HEMK2: variants seen among roughly 807,000 people sequenced by gnomAD.
The protein encoded by HEMK2 is HemK methyltransferase 2, ETF1 glutamine and histone H4 lysine, also known as methyltransferase HEMK2.
chr21:28,738,046 C>T, the HEMK2 span, among the ~76,000 whole-genome samples: 1 of 152,170 alleles, frequency 6.6e-6, no homozygotes, highest in Non-Finnish European at 1.5e-5. Flanking sequence ...TAGCTTCTTC[C>T]AACAACAGTT....
At chr21:28,864,481 A>G in the HEMK2 span, among the ~76,000 whole-genome samples, 2 of 152,288 alleles carry the variant, frequency 1.3e-5, no homozygotes, top group South Asian at 4.1e-4. Context: ...TGTCCCATGA[A>G]GACTGTCCTT....
the HEMK2 span, among the ~76,000 whole-genome samples, chr21:28,715,747 T>G: frequency 6.6e-6 from 1 of 152,206 alleles, no homozygotes; most frequent in Admixed American, 6.6e-5. Flanking sequence ...TTTCCTTGAT[T>G]TTCTTCTACC....
the HEMK2 span, among the ~76,000 whole-genome samples, chr21:28,625,259 T>C: frequency 6.6e-6 from 1 of 152,160 alleles, no homozygotes; most frequent in African/African-American, 2.4e-5. Flanking sequence ...TATTCAAAAA[T>C]TTTCTATAAA....
chr21:28,582,219 CA>C, the HEMK2 span, among the ~76,000 whole-genome samples: 5 of 152,204 alleles, frequency 3.3e-5, no homozygotes, highest in Non-Finnish European at 2.9e-5. Context: ...CTGAAGCTGA[CA>C]CTTTAAATGA....
At chr21:28,855,428 T>C in the HEMK2 span, among the ~76,000 whole-genome samples, 73 of 152,154 alleles carry the variant, frequency 4.8e-4, no homozygotes, top group African/African-American at 1.5e-3. Flanking sequence ...TTCTATACCC[T>C]ACCGACAGTA....
chr21:28,749,996 C>T, the HEMK2 span, among the ~76,000 whole-genome samples: 167 of 152,304 alleles, frequency 1.1e-3, 1 homozygote, highest in Middle Eastern at 0.01. Flanking sequence ...GCTATTTTCA[C>T]CAATCTAATT....
the HEMK2 span, among the ~76,000 whole-genome samples, chr21:28,777,568 G>C: frequency 2.0e-5 from 3 of 152,112 alleles, no homozygotes; most frequent in Non-Finnish European, 4.4e-5. Flanking sequence ...TCATGACAAG[G>C]TGACACCAGG....
At chr21:28,777,783 A>C in the HEMK2 span, among the ~76,000 whole-genome samples, 2 of 152,206 alleles carry the variant, frequency 1.3e-5, no homozygotes, top group Non-Finnish European at 2.9e-5. Flanking sequence ...GATTTCAGAG[A>C]TATCTTCAAA....
chr21:28,758,631 T>C, the HEMK2 span, among the ~76,000 whole-genome samples: 5 of 152,260 alleles, frequency 3.3e-5, no homozygotes, highest in Non-Finnish European at 7.4e-5. Context: ...TTCTTAATAG[T>C]AAGGCAACAA....
At chr21:28,859,973 G>T in the HEMK2 span, among the ~76,000 whole-genome samples, 3 of 152,156 alleles carry the variant, frequency 2.0e-5, no homozygotes, top group Non-Finnish European at 4.4e-5. Flanking sequence ...GTGTCAACTT[G>T]ATTGGACCTT....
chr21:28,623,307 T>C, the HEMK2 span, among the ~76,000 whole-genome samples: 3 of 152,210 alleles, frequency 2.0e-5, no homozygotes, highest in African/African-American at 7.2e-5. Context: ...ACAGTTAGAA[T>C]AGCGATCATT....
the HEMK2 span, among the ~76,000 whole-genome samples, chr21:28,818,621 C>T: frequency 6.6e-6 from 1 of 152,124 alleles, no homozygotes; most frequent in African/African-American, 2.4e-5. Context: ...GAATTTTCAG[C>T]AAATCCATAT....
chr21:28,717,132 T>C, the HEMK2 span, among the ~76,000 whole-genome samples: 1 of 152,194 alleles, frequency 6.6e-6, no homozygotes, highest in Non-Finnish European at 1.5e-5. Context: ...GCTGGGTTTG[T>C]AGAATGAGGG....
the HEMK2 span, among the ~76,000 whole-genome samples, chr21:28,721,900 TCACACACACA>T: frequency 1.6e-4 from 20 of 127,370 alleles, no homozygotes; most frequent in African/African-American, 5.5e-4. Context: ...TTCTTAACCA[TCACACACACA>T]CACACACACA....
At chr21:28,717,701 A>G in the HEMK2 span, among the ~76,000 whole-genome samples, 1 of 152,032 alleles carries the variant, frequency 6.6e-6, no homozygotes, top group East Asian at 1.9e-4. Context: ...GCTGTTCTCC[A>G]ACTCCTGACC....
At chr21:28,746,614 G>C in the HEMK2 span, among the ~76,000 whole-genome samples, 1 of 151,680 alleles carries the variant, frequency 6.6e-6, no homozygotes, top group Non-Finnish European at 1.5e-5. Flanking sequence ...GAAAGTGACT[G>C]AGAGGCTATC....
the HEMK2 span, among the ~76,000 whole-genome samples, chr21:28,862,466 C>T: frequency 1.4e-5 from 2 of 141,442 alleles, 1 homozygote; most frequent in Non-Finnish European, 3.0e-5. Context: ...GGTGAAACCC[C>T]GTCTCTACTA....
chr21:28,814,052 A>G, the HEMK2 span, among the ~76,000 whole-genome samples: 1 of 152,262 alleles, frequency 6.6e-6, no homozygotes, highest in East Asian at 1.9e-4. Context: ...CCTGGCCAAC[A>G]TGGTGAAACC....
the HEMK2 span, among the ~76,000 whole-genome samples, chr21:28,684,835 A>G: frequency 6.6e-6 from 1 of 152,216 alleles, no homozygotes; most frequent in African/African-American, 2.4e-5. Context: ...GATCAGCTCT[A>G]TTCTACAAGG....
Sources: gnomAD v4.1 joint callset for allele counts (sites outside exome capture counted in the v4.1 genomes callset) on GRCh38, gnomAD v4.1.1 for gene constraint, MANE v1.5 for transcripts, NCBI Gene and HGNC (gene_info 2026-07-23, HGNC 2026-07-21) for gene names.